Variants in ABCC4 observed in about 807,000 individuals in gnomAD.
The protein encoded by ABCC4 is ATP-binding cassette sub-family C member 4.
In ABCC4, 102 loss-of-function variants were observed where a neutral mutation model predicts 168.5. The observed-to-expected ratio is 0.61, with a 90% CI of 0.52 to 0.71. The LOEUF is 0.71. Among genes scored for constraint, ABCC4 ranks in the 30% least tolerant of loss-of-function variants. The pLI is 0.00. For missense variants in ABCC4, 1,402 were observed against 1,605.8 expected (o/e 0.87, Z 2.17); for synonymous variants, 617 against 590.7 (o/e 1.04, Z -0.65).
At chr13:95,060,065 T>C (rs1240282590) in intron 26 of ABCC4, among the ~76,000 whole-genome samples, 18 of 152,222 alleles carry the variant, frequency 1.2e-4, no homozygotes, top group Admixed American at 1.2e-3. Flanking sequence ...TGCTGAATGA[T>C]TTCCTGGGTC....
Position 95,021,609 on chromosome 13 carries a change from G to A in ABCC4, c.3944C>T (p.Pro1315Leu), listed in dbSNP as rs546745281. Residue 1315 changes from proline to leucine, a missense_variant, in exon 31 of 31, where the codon CCC becomes CTC. Transcript: ENST00000645237. ...TGTCTCGAAAATAGTTAAGGTCGAG[G>A]GCTGTCCATTGGAAGTGTTTGTAAC... is the stretch of plus-strand genomic sequence containing the variant. Reference protein sequence around the residue: ...HMVTNTSNGQPSTLTIFETAL With the variant: ...HMVTNTSNGQLSTLTIFETAL The A allele has an allele frequency of 2.1e-5, 34 of 1,612,990 alleles. No individual in the cohort carries two copies. In the East Asian group the frequency reaches 3.1e-4, roughly 15 times the overall value.
chr13:95,188,371 A>T, intron 10 of ABCC4, 82 bp downstream of exon 10: 1 of 1,257,644 alleles, frequency 8.0e-7, no homozygotes, highest in Non-Finnish European at 1.2e-6. Flanking sequence ...AAATTGTGTT[A>T]CACGTAGCCT....
At chr13:95,226,180 A>T (rs1307031109) in intron 4 of ABCC4, among the ~76,000 whole-genome samples, 1 of 149,624 alleles carries the variant, frequency 6.7e-6, no homozygotes, top group Non-Finnish European at 1.5e-5. Context: ...GAATTCTAAG[A>T]CCATGTCTTA....
chr13:95,034,183 T>C (rs1022294595), intron 30 of ABCC4, among the ~76,000 whole-genome samples: 3 of 152,338 alleles, frequency 2.0e-5, no homozygotes, highest in African/African-American at 7.2e-5. Flanking sequence ...CCACACTTTT[T>C]GCCCAAACTC....
intron 1 of ABCC4, among the ~76,000 whole-genome samples, chr13:95,256,995 T>C (rs2040408937): frequency 6.6e-6 from 1 of 152,180 alleles, no homozygotes. Flanking sequence ...GAGAATAATA[T>C]ACAATTGATC....
At chr13:95,220,946 C>T (rs1466181927) in intron 4 of ABCC4, among the ~76,000 whole-genome samples, 1 of 152,158 alleles carries the variant, frequency 6.6e-6, no homozygotes, top group Non-Finnish European at 1.5e-5. Context: ...TTTCCTCTTC[C>T]ACTACAGCTA....
At chr13:95,211,120 G>A (rs2038944225) in intron 4 of ABCC4, among the ~76,000 whole-genome samples, 1 of 152,148 alleles carries the variant, frequency 6.6e-6, no homozygotes, top group African/African-American at 2.4e-5. Context: ...GCTGTCAGAG[G>A]AACAAAATGA....
At chr13:95,299,036 T>C (rs2041608135) in intron 1 of ABCC4, among the ~76,000 whole-genome samples, 2 of 152,006 alleles carry the variant, frequency 1.3e-5, no homozygotes, top group African/African-American at 4.8e-5. Context: ...GAGGAACACT[T>C]GAGCCCAGGA....
chr13:95,287,586 C>CAA (rs35078344), intron 1 of ABCC4, among the ~76,000 whole-genome samples: 3 of 137,274 alleles, frequency 2.2e-5, no homozygotes, highest in African/African-American at 8.1e-5. Context: ...GACTTCGTCT[C>CAA]AAAAAAAAAA....
At chr13:95,143,973 AG>A (rs1343191898) in intron 19 of ABCC4, among the ~76,000 whole-genome samples, 1 of 152,232 alleles carries the variant, frequency 6.6e-6, no homozygotes, top group African/African-American at 2.4e-5. Context: ...ACATTTCAGA[AG>A]GTGAAGAAGA....
chr13:95,153,983 T>G (rs2036774602), intron 19 of ABCC4, among the ~76,000 whole-genome samples: 1 of 149,980 alleles, frequency 6.7e-6, no homozygotes, highest in African/African-American at 2.5e-5. Flanking sequence ...ACCATTGTTA[T>G]GTGAAAAAAA....
chr13:95,148,484 C>A (rs992104416), intron 19 of ABCC4, among the ~76,000 whole-genome samples: 3 of 151,916 alleles, frequency 2.0e-5, no homozygotes, highest in African/African-American at 2.4e-5. Context: ...GATTAATTTT[C>A]AAATTTTAAA....
At chr13:95,228,411 G>A (rs1403927359) in intron 4 of ABCC4, among the ~76,000 whole-genome samples, 2 of 152,148 alleles carry the variant, frequency 1.3e-5, no homozygotes, top group African/African-American at 4.8e-5. Context: ...TGTGGTAGAG[G>A]AGGCTGTCTG....
chr13:95,097,520 A>G (rs1023862075), intron 20 of ABCC4, among the ~76,000 whole-genome samples: 3 of 151,550 alleles, frequency 2.0e-5, no homozygotes, highest in Non-Finnish European at 4.4e-5. Flanking sequence ...GATACTGAAG[A>G]TCCAGATATT....
chr13:95,047,470 C>T (rs867277850), intron 27 of ABCC4, among the ~76,000 whole-genome samples: 4 of 111,026 alleles, frequency 3.6e-5, no homozygotes, highest in South Asian at 2.8e-4. Flanking sequence ...TGAAATACTG[C>T]CTATTCTTTT....
At chr13:95,123,683 C>T (rs1274755392) in intron 19 of ABCC4, among the ~76,000 whole-genome samples, 3 of 152,178 alleles carry the variant, frequency 2.0e-5, no homozygotes, top group Non-Finnish European at 2.9e-5. Flanking sequence ...CTTATGATCA[C>T]ACTGGTAGCA....
intron 20 of ABCC4, among the ~76,000 whole-genome samples, chr13:95,092,831 G>A (rs930749606): frequency 3.9e-5 from 6 of 151,942 alleles, no homozygotes; most frequent in Non-Finnish European, 7.4e-5. Flanking sequence ...TAGGCCATTA[G>A]CAAGATTAAC....
intron 4 of ABCC4, among the ~76,000 whole-genome samples, chr13:95,228,612 T>TA (rs2039533492): frequency 6.6e-6 from 1 of 151,394 alleles, no homozygotes; most frequent in Non-Finnish European, 1.5e-5. Context: ...CCGTCTCTAC[T>TA]AAAAATACAA....
chr13:95,208,022 A>G, intron 6 of ABCC4, 97 bp from the exon 7 acceptor site: 1 of 1,431,738 alleles, frequency 7.0e-7, no homozygotes, highest in Non-Finnish European at 9.5e-7. Flanking sequence ...ATGGTTCCCT[A>G]CAGCGCTTTT....
Sources: gnomAD v4.1 joint callset for allele counts (sites outside exome capture counted in the v4.1 genomes callset) on GRCh38, gnomAD v4.1.1 for gene constraint, MANE v1.5 for transcripts, NCBI Gene and HGNC (gene_info 2026-07-23, HGNC 2026-07-21) for gene names.